TTC7A: variants seen among roughly 807,000 people sequenced by gnomAD.
TTC7A encodes the protein tetratricopeptide repeat protein 7A.
In TTC7A, 110 loss-of-function variants were observed where a neutral mutation model predicts 103.7. That is an observed-to-expected ratio of 1.06 (90% CI 0.91 to 1.24). TTC7A has a LOEUF of 1.24. Ranked by LOEUF, TTC7A falls within the 50% of genes most tolerant of loss-of-function variation. The pLI is 0.00. For synonymous variants in TTC7A, 521 were observed against 467.9 expected (o/e 1.11, Z -1.47); for missense variants, 1,340 against 1,116.3 (o/e 1.20, Z -2.86).
intron 14 of TTC7A, among the ~76,000 whole-genome samples, chr2:47,027,596 G>A (rs1174522975): frequency 6.6e-5 from 10 of 152,332 alleles, no homozygotes; most frequent in Admixed American, 4.6e-4. Flanking sequence ...GTGAGTGAGC[G>A]GCAGCACCAA....
At chr2:46,947,859 G>C (rs73926990) in intron 1 of TTC7A, among the ~76,000 whole-genome samples, 1 of 152,278 alleles carries the variant, frequency 6.6e-6, no homozygotes, top group East Asian at 1.9e-4. Flanking sequence ...TACTCTGTCA[G>C]ATTTCTAAGG....
At chr2:47,033,276 G>T (rs1470635559) in intron 15 of TTC7A, among the ~76,000 whole-genome samples, 1 of 152,200 alleles carries the variant, frequency 6.6e-6, no homozygotes, top group East Asian at 1.9e-4. Flanking sequence ...CCTTTGTCCT[G>T]ACCTCATCGT....
intron 11 of TTC7A, among the ~76,000 whole-genome samples, chr2:47,019,082 C>T (rs1274754428): frequency 6.6e-6 from 1 of 152,170 alleles, no homozygotes; most frequent in Admixed American, 6.5e-5. Context: ...TGACATTATT[C>T]TCCCCTTTTG....
intron 15 of TTC7A, among the ~76,000 whole-genome samples, chr2:47,036,031 G>A (rs1262643526): frequency 6.6e-6 from 1 of 152,230 alleles, no homozygotes; most frequent in Non-Finnish European, 1.5e-5. Flanking sequence ...ACCCCTGAAT[G>A]GCCATGAAAA....
At chr2:46,985,198 CTTCT>C (rs1457335720) in intron 5 of TTC7A, among the ~76,000 whole-genome samples, 1 of 152,090 alleles carries the variant, frequency 6.6e-6, no homozygotes, top group Non-Finnish European at 1.5e-5. Context: ...CTCCCTTCCT[CTTCT>C]TTCTTCCTGA....
chr2:47,025,030 A>G (rs1679736425), intron 14 of TTC7A, among the ~76,000 whole-genome samples: 1 of 152,192 alleles, frequency 6.6e-6, no homozygotes, highest in Non-Finnish European at 1.5e-5. Flanking sequence ...AGGACCTCTC[A>G]GGTGGCTTGA....
intron 15 of TTC7A, among the ~76,000 whole-genome samples, chr2:47,033,203 G>A (rs1168645207): frequency 9.9e-5 from 15 of 152,182 alleles, no homozygotes; most frequent in Admixed American, 9.8e-4. Flanking sequence ...CTGTTGCCAA[G>A]GCAGTTAATT....
intron 11 of TTC7A, among the ~76,000 whole-genome samples, chr2:47,015,642 G>A (rs748693941): frequency 7.2e-5 from 11 of 152,220 alleles, no homozygotes; most frequent in Non-Finnish European, 1.6e-4. Context: ...GAGATGACAT[G>A]AAGAGTGCCC....
intron 2 of TTC7A, among the ~76,000 whole-genome samples, chr2:46,919,212 T>C (rs1668972495): frequency 6.6e-6 from 1 of 152,212 alleles, no homozygotes; most frequent in Non-Finnish European, 1.5e-5. Context: ...GAAAAATAAA[T>C]AGAAAAATAT....
chr2:47,019,952 C>G lies in TTC7A; in HGVS notation c.1393-1910C>G, dbSNP rs77068664. 1.2e-3 allele frequency among the ~76,000 whole-genome samples: 189 copies of G among 152,318 alleles called. 1 individual carries two copies. The East Asian group carries it at 0.035, about 28-fold the overall frequency. Reference sequence around the variant, plus strand: ...TTACTTTCCCCTCCCTTGTTGCCTCCTTTTCCACCTCTGCTGCCTCCTGGG... The same window carrying G: ...TTACTTTCCCCTCCCTTGTTGCCTCGTTTTCCACCTCTGCTGCCTCCTGGG... On this transcript the variant is annotated intron_variant, in intron 11 of 19. Coordinates refer to ENST00000319190, the MANE Select transcript of TTC7A (RefSeq NM_020458.4).
chr2:47,011,994 C>T (rs1484321747), intron 11 of TTC7A, among the ~76,000 whole-genome samples: 1 of 152,254 alleles, frequency 6.6e-6, no homozygotes, highest in African/African-American at 2.4e-5. Context: ...CAGGTCTGCT[C>T]TTTCCCCAGT....
chr2:47,043,976 A>T (rs1461162383), intron 15 of TTC7A, among the ~76,000 whole-genome samples: 1 of 152,172 alleles, frequency 6.6e-6, no homozygotes, highest in East Asian at 1.9e-4. Context: ...GAGAAGTGTG[A>T]TGCCTGCAGA....
At position 46,991,021 on chromosome 2, in the gene TTC7A, T is replaced by G. The variant is rs535950176; in HGVS notation, c.765-2429T>G. ...TCAGCCTCCTAGGTTCAAGCAATTC[T>G]CCTGCCTCAGCTTCCCGAATAGCTG... On this transcript the variant is annotated intron_variant, in intron 5 of 19. Transcript: ENST00000319190. 6.1e-3 allele frequency among the ~76,000 whole-genome samples: 922 copies of G among 152,298 alleles called. 5 individuals carry two copies. Among genetic ancestry groups the G allele is most frequent in the Non-Finnish European group, 9.5e-3 (647 of 68,012 alleles).
At chr2:46,975,437 C>T (rs776601599) in intron 4 of TTC7A, among the ~76,000 whole-genome samples, 2 of 152,028 alleles carry the variant, frequency 1.3e-5, no homozygotes, top group African/African-American at 4.8e-5. Context: ...ACATCCTTCC[C>T]TGCTCTCGGT....
At chr2:46,977,981 T>C (rs1674040139) in intron 4 of TTC7A, 1 of 152,246 alleles carries the variant, frequency 6.6e-6, no homozygotes, top group East Asian at 1.9e-4. Context: ...AGATTTGGGC[T>C]TGGGTGGCAA....
upstream of TTC7A, among the ~76,000 whole-genome samples, chr2:46,938,966 G>A (rs186084721): frequency 1.7e-4 from 25 of 150,616 alleles, no homozygotes; most frequent in Non-Finnish European, 3.1e-4. Context: ...AGCTGAGATC[G>A]TGCCACTGCA....
chr2:47,003,732 G>A (rs1677086539), intron 8 of TTC7A, among the ~76,000 whole-genome samples: 1 of 152,202 alleles, frequency 6.6e-6, no homozygotes, highest in Non-Finnish European at 1.5e-5. Flanking sequence ...TCGGGGATGT[G>A]CATCCTATAA....
chr2:46,926,344 A>G (rs1669382878), intron 2 of TTC7A, among the ~76,000 whole-genome samples: 1 of 152,172 alleles, frequency 6.6e-6, no homozygotes, highest in Admixed American at 6.5e-5. Context: ...GATGCTCCCT[A>G]TCCTCAAGAT....
chr2:46,965,409 C>T (rs1231234881), intron 3 of TTC7A, among the ~76,000 whole-genome samples: 1 of 152,154 alleles, frequency 6.6e-6, no homozygotes, highest in African/African-American at 2.4e-5. Flanking sequence ...TGTGGCACTG[C>T]TGTCTTGGCC....
Sources: gnomAD v4.1 joint callset for allele counts (sites outside exome capture counted in the v4.1 genomes callset) on GRCh38, gnomAD v4.1.1 for gene constraint, MANE v1.5 for transcripts, NCBI Gene and HGNC (gene_info 2026-07-23, HGNC 2026-07-21) for gene names.